The following SNX29 variants were observed in gnomAD, a reference collection of about 807,000 sequenced individuals.
SNX29 encodes the protein sorting nexin-29.
A neutral mutation model predicts 102.1 loss-of-function variants in SNX29; 78 were observed. The observed-to-expected ratio is 0.76, with a 90% CI of 0.64 to 0.92. The LOEUF (loss-of-function observed/expected upper bound fraction) is 0.92, where lower values mean the gene tolerates loss of function less well. Ranked by LOEUF, SNX29 falls within the 40% of genes least tolerant of loss-of-function variation. The pLI is 0.00. For synonymous variants in SNX29, 580 were observed against 414.5 expected, an observed-to-expected ratio of 1.40 and a Z score of -4.85; for missense variants, 1,280 against 1,061.7, an observed-to-expected ratio of 1.21 and a Z score of -2.86.
intron 13 of SNX29, among the ~76,000 whole-genome samples, chr16:12,156,441 G>A (rs983936807): frequency 1.4e-4 from 21 of 152,206 alleles, no homozygotes; most frequent in African/African-American, 5.1e-4. Context: ...AAAGTACTGG[G>A]ATTACAGGCG....
chr16:12,050,338 G>C (rs1461568420), intron 7 of SNX29, among the ~76,000 whole-genome samples: 1 of 152,224 alleles, frequency 6.6e-6, no homozygotes, highest in Non-Finnish European at 1.5e-5. Flanking sequence ...TGTCTTCTGT[G>C]AGTGCTGGTC....
In SNX29 at chr16:12,481,545, CACACACACA is replaced by C. The variant is rs1567608694; in HGVS notation, c.2178+3687_2178+3695del. On this transcript the variant is annotated intron_variant, in intron 19 of 20. Transcript: ENST00000566228. ...ACACACACACACACACACACACACA[CACACACACA>C]CCCCAAATGTCACCCTGTCGCCCAG... is the stretch of plus-strand genomic sequence containing the variant. Among the ~76,000 whole-genome samples, 80 of 132,004 alleles carry C rather than the reference CACACACACA, an allele frequency of 6.1e-4. No individual in the cohort carries two copies. In the Middle Eastern group the frequency reaches 0.016, roughly 26 times the overall value. The allele number at this position is 132,004 out of a possible 152,430, so 86.6% of individuals were successfully genotyped here. A position where few individuals can be genotyped will look rare whatever the true frequency, so the allele number is the denominator to read the frequency against.
chr16:12,287,372 C>T (rs2079633407), intron 15 of SNX29, among the ~76,000 whole-genome samples: 1 of 152,160 alleles, frequency 6.6e-6, no homozygotes, highest in Admixed American at 6.5e-5. Flanking sequence ...AGGTGTCTCT[C>T]TGTTTTTTTT....
intron 13 of SNX29, among the ~76,000 whole-genome samples, chr16:12,151,368 C>T (rs913976542): frequency 1.3e-5 from 2 of 152,154 alleles, no homozygotes; most frequent in South Asian, 2.1e-4. Context: ...CCTTGATGGT[C>T]GTTTACAGTG....
intron 14 of SNX29, among the ~76,000 whole-genome samples, chr16:12,260,645 G>T (rs9924746): frequency 0.55 from 81,586 of 148,976 alleles, 22,316 homozygotes; most frequent in Non-Finnish European, 0.58. Flanking sequence ...GGCTTTCTTA[G>T]CCAGGTCCCC....
At chr16:12,166,454 G>A (rs552776382) in intron 13 of SNX29, among the ~76,000 whole-genome samples, 40 of 152,326 alleles carry the variant, frequency 2.6e-4, no homozygotes, top group African/African-American at 7.0e-4. Flanking sequence ...CATGGTGAAG[G>A]AAGGGCTCTC....
At chr16:12,431,416 T>TTTCTTC (rs200429366) in intron 18 of SNX29, among the ~76,000 whole-genome samples, 3 of 150,612 alleles carry the variant, frequency 2.0e-5, no homozygotes, top group African/African-American at 7.5e-5. Flanking sequence ...GGCTTGAGCT[T>TTTCTTC]TTCTTCTTCT....
At chr16:11,978,004 G>A (rs1200157511) in intron 1 of SNX29, among the ~76,000 whole-genome samples, 1 of 152,150 alleles carries the variant, frequency 6.6e-6, no homozygotes, top group Non-Finnish European at 1.5e-5. Flanking sequence ...GGTTGAGCGG[G>A]GGGCAAGGCC....
At chr16:12,562,093 G>A (rs908794751) in intron 20 of SNX29, among the ~76,000 whole-genome samples, 67 of 152,212 alleles carry the variant, frequency 4.4e-4, no homozygotes, top group African/African-American at 1.5e-3. Context: ...AGTTTGAACC[G>A]CATTTCTAAG....
Position 11,999,340 on chromosome 16 carries a change from G to C in SNX29, c.51G>C (p.Leu17=). Reference sequence around the variant, plus strand: ...AAAGACAATTTCTGCTGGAGCGACTGCTGGATGCAGTGAAACAGGTAAGCA... The same window carrying C: ...AAAGACAATTTCTGCTGGAGCGACTCCTGGATGCAGTGAAACAGGTAAGCA... ...NDKRQFLLER[L]LDAVKQCQIR... is the part of the protein sequence containing the mutation. Residue 17 remains leucine, a synonymous_variant, in exon 2 of 21, where the codon CTG becomes CTC. Transcript: ENST00000566228. The C allele has an allele frequency of 6.2e-7, 1 of 1,614,108 alleles. No homozygotes were observed. Among genetic ancestry groups the C allele is most frequent in the Non-Finnish European group, 8.5e-7 (1 of 1,179,978 alleles).
intron 1 of SNX29, among the ~76,000 whole-genome samples, chr16:11,980,032 G>T (rs181377651): frequency 2.6e-5 from 4 of 152,102 alleles, no homozygotes; most frequent in Non-Finnish European, 5.9e-5. Context: ...AAATCTTTTA[G>T]GTCTCTCCCT....
At chr16:12,045,799 A>G (rs940785175) in intron 5 of SNX29, among the ~76,000 whole-genome samples, 18 of 151,558 alleles carry the variant, frequency 1.2e-4, no homozygotes, top group African/African-American at 4.1e-4. Context: ...AATTTTTTAT[A>G]TTTTTAGTAG....
chr16:12,058,912 C>T (rs767236155), intron 8 of SNX29, among the ~76,000 whole-genome samples: 1 of 151,312 alleles, frequency 6.6e-6, no homozygotes, highest in African/African-American at 2.4e-5. Context: ...CCCACCTCAG[C>T]CCCTCCAGTA....
chr16:12,380,784 C>CCTACCAT (rs2083079579), intron 16 of SNX29, among the ~76,000 whole-genome samples: 1 of 60,126 alleles, frequency 1.7e-5, no homozygotes. Flanking sequence ...CATCCATCCA[C>CCTACCAT]CCATCCACCC....
intron 18 of SNX29, among the ~76,000 whole-genome samples, chr16:12,461,978 AATATATATATATATATATATAT>A (rs71139595): frequency 1.8e-4 from 5 of 27,356 alleles, no homozygotes; most frequent in South Asian, 2.4e-3. Flanking sequence ...AAAAAAAAAA[AATATATATATATATATATATAT>A]ATATATATAT....
intron 19 of SNX29, among the ~76,000 whole-genome samples, chr16:12,517,215 C>T (rs919042929): frequency 6.6e-6 from 1 of 152,174 alleles, no homozygotes; most frequent in East Asian, 1.9e-4. Context: ...CTGGGTTTGC[C>T]TCCAGTCCTG....
chr16:12,034,592 G>A (rs1291145961), intron 4 of SNX29, among the ~76,000 whole-genome samples: 2 of 152,214 alleles, frequency 1.3e-5, no homozygotes, highest in Non-Finnish European at 2.9e-5. Flanking sequence ...GACACCCAGG[G>A]TGGCATGGAC....
At position 12,199,600 on chromosome 16, in the gene SNX29, G is replaced by C; in HGVS notation, c.1596-1G>C. On this transcript the variant is annotated splice_acceptor_variant, in intron 13 of 20. Transcript: ENST00000566228. LOFTEE classifies it high-confidence loss of function. Reference sequence around the variant, plus strand: ...TTTTTTTAACATTCTTGTACCTGCAGAGAGAACGAGGTGCTCAAAGTCCAA... The same window carrying C: ...TTTTTTTAACATTCTTGTACCTGCACAGAGAACGAGGTGCTCAAAGTCCAA... The C allele has an allele frequency of 6.2e-7, 1 of 1,611,834 alleles. No individual in the cohort carries two copies. The highest frequency in any genetic ancestry group is 8.5e-7 in the Non-Finnish European group (1 of 1,178,858).
At chr16:12,546,014 A>C (rs938427139) in intron 20 of SNX29, among the ~76,000 whole-genome samples, 1 of 152,120 alleles carries the variant, frequency 6.6e-6, no homozygotes, top group African/African-American at 2.4e-5. Context: ...CAAAAACAGA[A>C]AACAAAAAAA....
Sources: gnomAD v4.1 joint callset for allele counts (sites outside exome capture counted in the v4.1 genomes callset) on GRCh38, gnomAD v4.1.1 for gene constraint, MANE v1.5 for transcripts, NCBI Gene and HGNC (gene_info 2026-07-23, HGNC 2026-07-21) for gene names.